The following NEBL variants were observed in gnomAD, a reference collection of about 807,000 sequenced individuals.
The protein encoded by NEBL is LIM and SH3 protein 2.
In NEBL, 122 loss-of-function variants were observed where a neutral mutation model predicts 140.2. The observed-to-expected ratio is 0.87, with a 90% CI of 0.75 to 1.01. The LOEUF (loss-of-function observed/expected upper bound fraction) is 1.01. Ranked by LOEUF, NEBL falls within the 50% of genes least tolerant of loss-of-function variation. NEBL has a pLI of 0.00. For missense variants in NEBL, 1,365 were observed against 1,231.3 expected, an observed-to-expected ratio of 1.11 and a Z score of -1.62; for synonymous variants, 436 against 398.9, an observed-to-expected ratio of 1.09 and a Z score of -1.11.
intron 1 of NEBL, among the ~76,000 whole-genome samples, chr10:21,261,186 AC>A (rs1564551526): frequency 6.6e-6 from 1 of 152,200 alleles, no homozygotes; most frequent in Non-Finnish European, 1.5e-5. Context: ...GTCTGAATAC[AC>A]ATGAAACATC....
intron 1 of NEBL, among the ~76,000 whole-genome samples, chr10:21,288,280 C>T (rs539222044): frequency 6.5e-4 from 99 of 151,966 alleles, no homozygotes; most frequent in African/African-American, 1.6e-3. Context: ...CCAGCCTGGC[C>T]AACATAATGA....
intron 5 of NEBL, among the ~76,000 whole-genome samples, chr10:20,876,535 T>C (rs1308105223): frequency 6.6e-6 from 1 of 152,208 alleles, no homozygotes; most frequent in East Asian, 1.9e-4. Context: ...AGAAATTGTT[T>C]ACTGATAAGT....
intron 26 of NEBL, among the ~76,000 whole-genome samples, chr10:20,807,133 T>C (rs1377948453): frequency 2.6e-5 from 4 of 152,070 alleles, no homozygotes; most frequent in African/African-American, 9.7e-5. Flanking sequence ...CAGACCAGCA[T>C]GGACAACATT....
At chr10:20,798,571 C>A (rs757437393) in intron 26 of NEBL, among the ~76,000 whole-genome samples, 1 of 152,136 alleles carries the variant, frequency 6.6e-6, no homozygotes, top group South Asian at 2.1e-4. Context: ...TTCAACCATC[C>A]GATAAGCAGG....
intron 25 of NEBL, among the ~76,000 whole-genome samples, 192 bp downstream of exon 25, chr10:20,809,610 CTAAT>C (rs571267751): frequency 8.1e-4 from 124 of 152,186 alleles, no homozygotes; most frequent in Middle Eastern, 3.4e-3. Flanking sequence ...CTAGGACAGA[CTAAT>C]TAAGATATAT....
chr10:21,096,371 T>C (rs1172242314), intron 2 of NEBL, among the ~76,000 whole-genome samples: 1 of 152,216 alleles, frequency 6.6e-6, no homozygotes, highest in Non-Finnish European at 1.5e-5. Context: ...AAAAATACTG[T>C]TGAGGCTAGT....
intron 2 of NEBL, among the ~76,000 whole-genome samples, chr10:21,065,447 A>C (rs1352379823): frequency 6.6e-6 from 1 of 152,226 alleles, no homozygotes; most frequent in African/African-American, 2.4e-5. Flanking sequence ...GGAATATATG[A>C]TAGTTTTTCC....
intron 22 of NEBL, among the ~76,000 whole-genome samples, chr10:20,815,229 T>C (rs1459253463): frequency 1.3e-5 from 2 of 152,226 alleles, no homozygotes; most frequent in African/African-American, 2.4e-5. Flanking sequence ...GGGGTAATGA[T>C]CCATCTCCTA....
At chr10:20,855,229 AAAAAAAAAAAAAAGTGTTT>A (rs1344927233) in intron 9 of NEBL, among the ~76,000 whole-genome samples, 1 of 147,002 alleles carries the variant, frequency 6.8e-6, no homozygotes, top group Non-Finnish European at 1.5e-5. Flanking sequence ...GTCCGTCTTA[AAAAAAAAAAAAAAGTGTTT>A]TTTTTTTAAC....
chr10:21,097,905 C>T (rs899207424), intron 2 of NEBL, among the ~76,000 whole-genome samples: 1 of 152,152 alleles, frequency 6.6e-6, no homozygotes, highest in African/African-American at 2.4e-5. Flanking sequence ...CTTCTGTATA[C>T]CAATTTTTTT....
intron 3 of NEBL, among the ~76,000 whole-genome samples, chr10:21,242,906 A>T (rs1424579542): frequency 6.6e-6 from 1 of 152,178 alleles, no homozygotes; most frequent in Non-Finnish European, 1.5e-5. Context: ...GAAGAACAGA[A>T]AGAAAAAAGC....
At chr10:21,141,300 T>C (rs1434740326) in intron 2 of NEBL, among the ~76,000 whole-genome samples, 3 of 152,190 alleles carry the variant, frequency 2.0e-5, no homozygotes, top group African/African-American at 2.4e-5. Context: ...ATATGGTATT[T>C]ATGTAAGGGA....
chr10:21,169,325 G>C (rs1239105610), intron 2 of NEBL, among the ~76,000 whole-genome samples: 2 of 151,678 alleles, frequency 1.3e-5, no homozygotes, highest in Non-Finnish European at 2.9e-5. Context: ...ACCAGGTACA[G>C]ATAAAATATT....
At chr10:20,915,249 T>A (rs908185813) in intron 4 of NEBL, among the ~76,000 whole-genome samples, 10 of 151,946 alleles carry the variant, frequency 6.6e-5, no homozygotes, top group Middle Eastern at 3.2e-3. Context: ...GGCTTTGAAA[T>A]TTTTTTTATA....
At chr10:21,147,793 A>C (rs313793) in intron 2 of NEBL, among the ~76,000 whole-genome samples, 1 of 151,940 alleles carries the variant, frequency 6.6e-6, no homozygotes, top group Non-Finnish European at 1.5e-5. Flanking sequence ...TTAGCTACCC[A>C]GCCCCTTCAG....
intron 2 of NEBL, among the ~76,000 whole-genome samples, chr10:21,086,174 C>T (rs190126083): frequency 3.9e-5 from 6 of 152,122 alleles, no homozygotes; most frequent in East Asian, 1.9e-4. Context: ...TTAAAGAGTT[C>T]GACTCCGTGT....
chr10:21,099,506 C>T (rs765232569), intron 2 of NEBL, among the ~76,000 whole-genome samples: 11 of 152,144 alleles, frequency 7.2e-5, no homozygotes, highest in East Asian at 3.9e-4. Context: ...TTCCCCCAAC[C>T]ACCACCCCTT....
chr10:21,153,521 A>G (rs181636848), intron 2 of NEBL, among the ~76,000 whole-genome samples: 149 of 150,886 alleles, frequency 9.9e-4, no homozygotes, highest in African/African-American at 3.5e-3. Flanking sequence ...TAAAACAAAT[A>G]TATATATTAT....
At chr10:20,868,412 C>A (rs370990811) in intron 7 of NEBL, 24 of 460,632 alleles carry the variant, frequency 5.2e-5, no homozygotes, top group African/African-American at 2.6e-4. Flanking sequence ...GACAACATGG[C>A]TAGAGACATT....
Sources: allele counts gnomAD v4.1 joint callset (sites outside exome capture counted in the v4.1 genomes callset), GRCh38; gene constraint gnomAD v4.1.1; transcripts MANE v1.5; gene names NCBI Gene and HGNC (gene_info 2026-07-23, HGNC 2026-07-21).